The following ANKRD7 variants were observed in gnomAD, a reference collection of about 807,000 sequenced individuals.
The protein encoded by ANKRD7 is ankyrin repeat domain-containing protein 7.
Under a neutral mutation model 30.8 loss-of-function variants are expected in ANKRD7, and 30 were observed. The observed-to-expected ratio is 0.97, with a 90% CI of 0.73 to 1.32. ANKRD7 has a LOEUF of 1.32. ANKRD7 is among the 40% of genes most tolerant of loss of function. The pLI, the probability that ANKRD7 is intolerant of heterozygous loss-of-function variation, is 0.00. For missense variants in ANKRD7, 264 were observed against 295.7 expected (o/e 0.89, Z 0.79); for synonymous variants, 97 against 106.6 (o/e 0.91, Z 0.55).
chr7:118,230,522 C>CT (rs35145646), intron 1 of ANKRD7, among the ~76,000 whole-genome samples: 64,505 of 151,696 alleles, frequency 0.43, 16,947 homozygotes, highest in South Asian at 0.58. Context: ...AAAGAATTGA[C>CT]TATAAATTGA....
At chr7:118,240,860 A>G (rs866907535) in intron 6 of ANKRD7, among the ~76,000 whole-genome samples, 1 of 152,162 alleles carries the variant, frequency 6.6e-6, no homozygotes, top group Admixed American at 6.5e-5. Flanking sequence ...ATTTTCAAGA[A>G]TATATAGTTA....
At chr7:118,226,921 G>A (rs964537318) in intron 1 of ANKRD7, among the ~76,000 whole-genome samples, 2 of 152,072 alleles carry the variant, frequency 1.3e-5, no homozygotes, top group Non-Finnish European at 2.9e-5. Context: ...GTTGCATCTT[G>A]TGTTTTATCT....
Position 118,241,147 on chromosome 7 carries a change from C to T in ANKRD7, c.*37+1149C>T, listed in dbSNP as rs1354557165. ...CCGCAGTCCGGCCTGGGCGACAGAG[C>T]GAGACTCCGTCTCAAAAAAAAAAAA... On this transcript the variant is annotated intron_variant, in intron 6 of 6. Transcript: ENST00000265224. Among the ~76,000 whole-genome samples the T allele has an allele frequency of 9.7e-5, 11 of 113,010 alleles. No homozygotes were observed. In the Admixed American group the frequency reaches 1.3e-3, roughly 13 times the overall value. 74.1% of individuals were successfully genotyped at this position (113,010 alleles called of 152,430 possible). A position where few individuals can be genotyped will look rare whatever the true frequency, so the allele number is the denominator to read the frequency against.
chr7:118,228,917 A>C (rs1809587324), intron 1 of ANKRD7, among the ~76,000 whole-genome samples: 1 of 152,176 alleles, frequency 6.6e-6, no homozygotes, highest in Admixed American at 6.5e-5. Flanking sequence ...ATCCTGTGTA[A>C]TGTATGTCAA....
chr7:118,225,342 G>A (rs969257869), intron 1 of ANKRD7, among the ~76,000 whole-genome samples: 5 of 152,100 alleles, frequency 3.3e-5, no homozygotes, highest in Non-Finnish European at 7.4e-5. Context: ...GCAAAAATTA[G>A]TGGGGCGTGG....
rs186511616 is a variant in ANKRD7, at chr7:118,232,011, G to A, written c.180-2420G>A. The stretch of plus-strand genomic sequence containing the variant: ...GATTTTTGACAAATGGAATAATATT[G>A]ATTTTAAAATGTTTCTCTAAGATAT... On this transcript the variant is annotated intron_variant, in intron 1 of 6. Transcript: ENST00000265224. 1.8e-4 allele frequency among the ~76,000 whole-genome samples: 28 copies of A among 152,116 alleles called. No individual in the cohort carries two copies. In the East Asian group the frequency reaches 4.4e-3, roughly 24 times the overall value.
intron 6 of ANKRD7, 31 bp downstream of exon 6, chr7:118,240,029 T>C (rs761663267): frequency 7.8e-6 from 10 of 1,274,392 alleles, no homozygotes; most frequent in Non-Finnish European, 9.4e-6. Context: ...AGTGTTTTTT[T>C]CTTGTTGCTT....
chr7:118,236,221 T>TGTGTGTG, intron 4 of ANKRD7, 74 bp downstream of exon 4: 1 of 748,896 alleles, frequency 1.3e-6, no homozygotes, highest in Non-Finnish European at 2.2e-6. Flanking sequence ...TGTGTGTGTG[T>TGTGTGTG]GTGTGTGTGT....
intron 1 of ANKRD7, among the ~76,000 whole-genome samples, chr7:118,230,193 A>C (rs978122230): frequency 1.3e-5 from 2 of 152,024 alleles, no homozygotes; most frequent in African/African-American, 4.8e-5. Context: ...AATCAGTCAA[A>C]AGAAATAAAA....
Position 118,224,808 on chromosome 7 carries a change from G to A in ANKRD7, c.-23G>A, listed in dbSNP as rs547668228. The A allele has an allele frequency of 1.3e-4, 208 of 1,602,012 alleles. 2 individuals carry two copies. The South Asian group carries it at 2.1e-3, about 16-fold the overall frequency. ...GTTCAAGAAACATCCTGGTCTGAGGGAAAGGCTGCAGCCTGCACCGCCATG... is the reference window on the plus strand; with the variant it reads ...GTTCAAGAAACATCCTGGTCTGAGGAAAAGGCTGCAGCCTGCACCGCCATG... On this transcript the variant is annotated 5_prime_UTR_variant, in exon 1 of 7. Transcript: ENST00000265224.
chr7:118,238,586 T>G (rs1809773411), intron 5 of ANKRD7, among the ~76,000 whole-genome samples: 1 of 152,202 alleles, frequency 6.6e-6, no homozygotes, highest in African/African-American at 2.4e-5. Flanking sequence ...ATTCTATGGC[T>G]TAGTAAAGTG....
intron 5 of ANKRD7, among the ~76,000 whole-genome samples, chr7:118,237,149 G>A (rs974069880): frequency 2.6e-5 from 4 of 152,168 alleles, no homozygotes; most frequent in African/African-American, 9.7e-5. Context: ...AGCATTGGAA[G>A]TGTGCCAGGG....
intron 2 of ANKRD7, 68 bp downstream of exon 2, chr7:118,234,613 T>C (rs926279338): frequency 7.0e-6 from 11 of 1,560,358 alleles, no homozygotes; most frequent in Non-Finnish European, 9.5e-6. Context: ...TTGTTGATTT[T>C]TCATGTTTTA....
intron 1 of ANKRD7, among the ~76,000 whole-genome samples, chr7:118,232,506 G>GTT (rs1230178256): frequency 2.6e-5 from 4 of 151,942 alleles, no homozygotes; most frequent in African/African-American, 9.7e-5. Flanking sequence ...CTTTGAAAGT[G>GTT]GAATCTTTCA....
chr7:118,238,590 T>C (rs1021721171), intron 5 of ANKRD7, among the ~76,000 whole-genome samples: 10 of 152,226 alleles, frequency 6.6e-5, no homozygotes, highest in African/African-American at 2.2e-4. Flanking sequence ...TATGGCTTAG[T>C]AAAGTGGAAG....
intron 6 of ANKRD7, 33 bp downstream of exon 6, chr7:118,240,031 T>C (rs1387755035): frequency 7.9e-7 from 1 of 1,262,334 alleles, no homozygotes; most frequent in Non-Finnish European, 1.1e-6. Context: ...TGTTTTTTTC[T>C]TGTTGCTTTT....
Position 118,224,869 on chromosome 7 carries a change from G to C in ANKRD7, c.39G>C (p.Glu13Asp). 6.2e-7 allele frequency: 1 copy of C among 1,614,082 alleles called. No individual in the cohort carries two copies. Among genetic ancestry groups the C allele is most frequent in the Non-Finnish European group, 8.5e-7 (1 of 1,180,006 alleles). Residue 13 changes from glutamate (E) to aspartate (D), a missense_variant, in exon 1 of 7, where the codon GAG (glutamate) becomes GAC (aspartate). By Grantham distance (45) the Glu-to-Asp change is conservative. Coordinates refer to ENST00000265224, the MANE Select transcript of ANKRD7 (RefSeq NM_019644.4). ...TCAGCTTCTGGAAGAGGAAGAATGAGACCCGCAGCCAGGGCTACAACCTTC... is the reference window on the plus strand; with the variant it reads ...TCAGCTTCTGGAAGAGGAAGAATGACACCCGCAGCCAGGGCTACAACCTTC... The part of the protein sequence containing the change: ...KLFSFWKRKN[E>D]TRSQGYNLRE...
intron 6 of ANKRD7, among the ~76,000 whole-genome samples, chr7:118,241,463 A>G (rs1477139616): frequency 2.0e-5 from 3 of 148,114 alleles, no homozygotes; most frequent in Non-Finnish European, 4.5e-5. Context: ...GCTTACAACA[A>G]TGTTTGGTCC....
rs371031069 is a variant in ANKRD7 at position 118,236,745 on chromosome 7, G to A, written c.576-45G>A. 47 of 1,586,082 alleles carry A rather than the reference G, an allele frequency of 3.0e-5. No homozygotes were observed. In the African/African-American group the frequency reaches 5.4e-4, roughly 18 times the overall value. On this transcript the variant is annotated intron_variant, in intron 4 of 6. Transcript: ENST00000265224. ...AGACTGAATTTTTAAAATTAGGCAT[G>A]TTTAAGATCTTTACATGGGCATTCA... is the stretch of plus-strand genomic sequence containing the variant.
Sources: gnomAD v4.1 joint callset for allele counts (sites outside exome capture counted in the v4.1 genomes callset) on GRCh38, gnomAD v4.1.1 for gene constraint, MANE v1.5 for transcripts, NCBI Gene and HGNC (gene_info 2026-07-23, HGNC 2026-07-21) for gene names.